The following KCNN2 variants were observed in gnomAD, a reference collection of about 807,000 sequenced individuals.
KCNN2 encodes small conductance calcium-activated potassium channel protein 2.
A neutral mutation model predicts 55.5 loss-of-function variants in KCNN2; 24 were observed. That is an observed-to-expected ratio of 0.43 (90% CI 0.31 to 0.61). The LOEUF (loss-of-function observed/expected upper bound fraction) is 0.61. Among genes scored for constraint, KCNN2 ranks in the 20% least tolerant of loss-of-function variants. The pLI, the probability that KCNN2 is intolerant of heterozygous loss-of-function variation, is 0.08. For missense variants in KCNN2, 754 were observed against 853.6 expected (o/e 0.88, Z 1.45); for synonymous variants, 431 against 336.1 (o/e 1.28, Z -3.09).
intron 2 of KCNN2, among the ~76,000 whole-genome samples, chr5:114,344,104 C>CAG (rs766334636): frequency 3.3e-5 from 5 of 152,162 alleles, no homozygotes; most frequent in Non-Finnish European, 7.3e-5. Flanking sequence ...CTGAACCACC[C>CAG]AGAGTTGTTA....
At chr5:114,439,556 G>C (rs1194968785) in intron 3 of KCNN2, among the ~76,000 whole-genome samples, 1 of 152,098 alleles carries the variant, frequency 6.6e-6, no homozygotes, top group African/African-American at 2.4e-5. Context: ...CAGTGATTCT[G>C]ATTTCACTGG....
intron 3 of KCNN2, among the ~76,000 whole-genome samples, chr5:114,454,147 A>C (rs894239577): frequency 6.6e-6 from 1 of 152,210 alleles, no homozygotes; most frequent in Non-Finnish European, 1.5e-5. Context: ...TGCAAAGGAC[A>C]TGAACTCATT....
At chr5:114,303,149 G>C (rs1470988653) in intron 2 of KCNN2, among the ~76,000 whole-genome samples, 1 of 152,162 alleles carries the variant, frequency 6.6e-6, no homozygotes, top group Non-Finnish European at 1.5e-5. Flanking sequence ...ATACGTCTTG[G>C]GACAAATATA....
At chr5:114,272,788 A>G (rs902250507) in intron 2 of KCNN2, among the ~76,000 whole-genome samples, 1 of 152,076 alleles carries the variant, frequency 6.6e-6, no homozygotes, top group African/African-American at 2.4e-5. Flanking sequence ...TTAAAGTTGT[A>G]TTTAGTTTAT....
intron 2 of KCNN2, among the ~76,000 whole-genome samples, chr5:114,388,389 G>A (rs1758349643): frequency 6.6e-6 from 1 of 151,954 alleles, no homozygotes; most frequent in South Asian, 2.1e-4. Flanking sequence ...AGTGTTTAAG[G>A]TTGATCAGAA....
chr5:114,079,467 G>T (rs1412028514), intron 1 of KCNN2, among the ~76,000 whole-genome samples: 1 of 152,084 alleles, frequency 6.6e-6, no homozygotes, highest in Non-Finnish European at 1.5e-5. Flanking sequence ...TTAAGGGTAG[G>T]GCAGACCTAG....
At chr5:114,472,567 C>T (rs572522457) in intron 4 of KCNN2, among the ~76,000 whole-genome samples, 9 of 151,956 alleles carry the variant, frequency 5.9e-5, no homozygotes, top group Non-Finnish European at 1.0e-4. Flanking sequence ...AGTGTATATG[C>T]TGAGATAATT....
At chr5:114,377,381 A>G (rs1226275269) in intron 2 of KCNN2, among the ~76,000 whole-genome samples, 2 of 152,176 alleles carry the variant, frequency 1.3e-5, no homozygotes, top group African/African-American at 4.8e-5. Flanking sequence ...TTATGATTGG[A>G]GGGTGGAAAA....
At chr5:114,080,165 T>A (rs1750778530) in intron 1 of KCNN2, among the ~76,000 whole-genome samples, 1 of 152,202 alleles carries the variant, frequency 6.6e-6, no homozygotes, top group South Asian at 2.1e-4. Context: ...AGTGCCAGAC[T>A]CTAAGCATGA....
intron 2 of KCNN2, among the ~76,000 whole-genome samples, chr5:114,293,502 T>G (rs1473202014): frequency 6.6e-6 from 1 of 152,342 alleles, no homozygotes; most frequent in East Asian, 1.9e-4. Flanking sequence ...ATTTATTGAT[T>G]TTCATATGTT....
At chr5:114,458,396 C>T (rs80234595) in intron 3 of KCNN2, among the ~76,000 whole-genome samples, 143 of 152,258 alleles carry the variant, frequency 9.4e-4, no homozygotes, top group Middle Eastern at 6.8e-3. Context: ...GAACATAACA[C>T]GACAAATCCA....
At chr5:114,162,124 T>C (rs1437732145) in intron 1 of KCNN2, among the ~76,000 whole-genome samples, 1 of 152,192 alleles carries the variant, frequency 6.6e-6, no homozygotes, top group African/African-American at 2.4e-5. Flanking sequence ...TTTCCCCATC[T>C]TTGTGGTTTT....
At chr5:114,090,533 CTCTT>C (rs965496454) in intron 1 of KCNN2, among the ~76,000 whole-genome samples, 24 of 150,732 alleles carry the variant, frequency 1.6e-4, no homozygotes, top group Admixed American at 8.7e-4. Context: ...CACTCTTCCT[CTCTT>C]TCTCTCTTCC....
intron 4 of KCNN2, among the ~76,000 whole-genome samples, chr5:114,472,172 T>C (rs1216435984): frequency 6.6e-6 from 1 of 152,114 alleles, no homozygotes; most frequent in Non-Finnish European, 1.5e-5. Context: ...CCAGGACTGA[T>C]GAATTGGCTG....
intron 1 of KCNN2, among the ~76,000 whole-genome samples, chr5:114,119,008 T>A (rs911832964): frequency 1.3e-5 from 2 of 152,116 alleles, no homozygotes; most frequent in African/African-American, 4.8e-5. Flanking sequence ...AATGCCAATC[T>A]CATGGGGGTG....
At chr5:114,281,894 A>G (rs1179702783) in intron 2 of KCNN2, among the ~76,000 whole-genome samples, 2 of 151,836 alleles carry the variant, frequency 1.3e-5, no homozygotes, top group African/African-American at 2.4e-5. Context: ...TTAATATTTC[A>G]TATTTCTTTG....
intron 3 of KCNN2, among the ~76,000 whole-genome samples, chr5:114,449,949 C>A (rs908342764): frequency 6.6e-6 from 1 of 151,814 alleles, no homozygotes; most frequent in African/African-American, 2.4e-5. Flanking sequence ...TTAGAAGAGC[C>A]CTTAACCCAG....
At chr5:114,117,294 A>T (rs1241142735) in intron 1 of KCNN2, among the ~76,000 whole-genome samples, 3 of 152,098 alleles carry the variant, frequency 2.0e-5, no homozygotes, top group Non-Finnish European at 4.4e-5. Flanking sequence ...CGTCTTACAG[A>T]GGGCAGCCTG....
chr5:114,327,061 G>A (rs1481635968), intron 2 of KCNN2, among the ~76,000 whole-genome samples: 3 of 152,182 alleles, frequency 2.0e-5, no homozygotes, highest in Non-Finnish European at 4.4e-5. Context: ...GAGAGGTGAA[G>A]TGTGATGAAA....
Sources: gnomAD v4.1 joint callset for allele counts (sites outside exome capture counted in the v4.1 genomes callset) on GRCh38, gnomAD v4.1.1 for gene constraint, MANE v1.5 for transcripts, NCBI Gene and HGNC (gene_info 2026-07-23, HGNC 2026-07-21) for gene names.